Variants in EFCAB11 observed in about 807,000 individuals in gnomAD.
EFCAB11 encodes EF-hand calcium-binding domain-containing protein 11.
EFCAB11 carries 14 observed loss-of-function variants against 23.0 expected under a neutral mutation model. The observed-to-expected ratio is 0.61, with a 90% confidence interval of 0.40 to 0.95. EFCAB11 has a LOEUF of 0.95. Ranked by LOEUF, EFCAB11 falls within the 40% of genes least tolerant of loss-of-function variation. The pLI, the probability that EFCAB11 is intolerant of heterozygous loss-of-function variation, is 0.00. For synonymous variants in EFCAB11, 65 were observed against 66.6 expected (o/e 0.98, Z 0.11); for missense variants, 198 against 195.8 (o/e 1.01, Z -0.07).
chr14:89,850,152 T>C (rs1887559925), intron 5 of EFCAB11, among the ~76,000 whole-genome samples: 1 of 152,338 alleles, frequency 6.6e-6, no homozygotes, highest in East Asian at 1.9e-4. Flanking sequence ...TTCACATTCC[T>C]GAATGTGTCA....
rs1294483738 is a variant in EFCAB11 at position 89,858,772 on chromosome 14, G to A, written c.411-61448C>T. On this transcript the variant is annotated intron_variant, in intron 5 of 5. Coordinates refer to ENST00000316738, the MANE Select transcript of EFCAB11 (RefSeq NM_145231.4). ...GCTTTGGCCTCCCACTTGAGCCACT[G>A]TGCCTGGCCAATGATGAGGTTTTTG... Among the ~76,000 whole-genome samples the A allele has an allele frequency of 2.7e-5, 4 of 146,460 alleles. No homozygotes were observed. The Admixed American group carries it at 2.9e-4, about 11-fold the overall frequency.
At chr14:89,803,005 C>A (rs1025521841) in intron 5 of EFCAB11, among the ~76,000 whole-genome samples, 1 of 152,120 alleles carries the variant, frequency 6.6e-6, no homozygotes, top group African/African-American at 2.4e-5. Context: ...CTGTCCTGGG[C>A]ATTGCAGGAC....
rs184362306 is a variant in EFCAB11, at chr14:89,946,443, C to T, written c.217+3654G>A. 1.8e-4 allele frequency among the ~76,000 whole-genome samples: 28 copies of T among 152,266 alleles called. No individual in the cohort carries two copies. The East Asian group carries it at 5.4e-3, about 29-fold the overall frequency. On this transcript the variant is annotated intron_variant, in intron 3 of 5. Coordinates refer to ENST00000316738, the MANE Select transcript of EFCAB11 (RefSeq NM_145231.4). ...TTTTATCTAATTTAACAGTATCTCC[C>T]TTTCAATGGGGCTGTTGAGATCATT...
At chr14:89,949,247 C>T (rs182519342) in intron 3 of EFCAB11, among the ~76,000 whole-genome samples, 3 of 152,098 alleles carry the variant, frequency 2.0e-5, no homozygotes, top group East Asian at 3.9e-4. Flanking sequence ...TACCACCTCT[C>T]TATATATACA....
intron 5 of EFCAB11, among the ~76,000 whole-genome samples, chr14:89,821,488 G>A (rs1410317383): frequency 6.6e-6 from 1 of 152,080 alleles, no homozygotes; most frequent in Non-Finnish European, 1.5e-5. Context: ...ATAAAACTCA[G>A]GCAAATCTAG....
At chr14:89,819,601 A>T (rs1250876671) in intron 5 of EFCAB11, among the ~76,000 whole-genome samples, 2 of 150,838 alleles carry the variant, frequency 1.3e-5, no homozygotes, top group South Asian at 2.1e-4. Flanking sequence ...AGCTAATTAT[A>T]AAAAAAACCC....
chr14:89,897,607 A>G (rs1430340555), intron 5 of EFCAB11, among the ~76,000 whole-genome samples: 1 of 152,240 alleles, frequency 6.6e-6, no homozygotes, highest in Admixed American at 6.5e-5. Flanking sequence ...GTGTGCGGGT[A>G]TATGTGAGTT....
chr14:89,920,890 C>A (rs7144963), intron 5 of EFCAB11, among the ~76,000 whole-genome samples: 19,539 of 151,900 alleles, frequency 0.13, 1,454 homozygotes, highest in South Asian at 0.24. Flanking sequence ...CATGGTGAAA[C>A]CCCATCTCTA....
chr14:89,931,569 G>T lies in EFCAB11; in HGVS notation c.382C>A (p.Pro128Thr), dbSNP rs774573642. 13 of 1,614,116 alleles carry T rather than the reference G, an allele frequency of 8.1e-6. No homozygotes were observed. Among genetic ancestry groups the T allele is most frequent in the Non-Finnish European group, 1.0e-5 (12 of 1,180,006 alleles). ...KAFRQVAPKL[P>T]ERTVLEVFRE... is the part of the protein sequence containing the mutation. ...AATACCTCAAGAACAGTCCTTTCCG[G>T]TAATTTGGGAGCCACCTGCCTAAAT... is the stretch of plus-strand genomic sequence containing the variant. Residue 128 changes from proline (P) to threonine (T), a missense_variant, in exon 5 of 6, where the codon CCG becomes ACG. By Grantham distance (38) the Pro-to-Thr change is conservative. Transcript: ENST00000316738.
intron 5 of EFCAB11, among the ~76,000 whole-genome samples, chr14:89,845,156 CT>C (rs1279586672): frequency 6.6e-6 from 1 of 152,022 alleles, no homozygotes; most frequent in African/African-American, 2.4e-5. Context: ...AAAGAAATAC[CT>C]AACATATTAC....
At position 89,902,061 on chromosome 14, in the gene EFCAB11, T is replaced by A. The variant is rs149032884; in HGVS notation, c.410+29480A>T. ...GGTAGCACCCATGACTAACACAGCA[T>A]CTTGCCCTGCCTACCTCTCAAATTT... On this transcript the variant is annotated intron_variant, in intron 5 of 5. Coordinates refer to ENST00000316738, the MANE Select transcript of EFCAB11 (RefSeq NM_145231.4). 1.1e-3 allele frequency among the ~76,000 whole-genome samples: 161 copies of A among 152,264 alleles called. No homozygotes were observed. In the Middle Eastern group the frequency reaches 0.014, roughly 13 times the overall value.
intron 5 of EFCAB11, among the ~76,000 whole-genome samples, chr14:89,925,613 C>T (rs1295519549): frequency 6.6e-6 from 1 of 151,682 alleles, no homozygotes; most frequent in Non-Finnish European, 1.5e-5. Flanking sequence ...ATTGTGACTA[C>T]CAGCTCTAAG....
chr14:89,934,471 C>A (rs762853782), intron 3 of EFCAB11, among the ~76,000 whole-genome samples: 3 of 152,070 alleles, frequency 2.0e-5, no homozygotes, highest in Non-Finnish European at 4.4e-5. Flanking sequence ...AAAATTGGGG[C>A]GAGATGAAGA....
chr14:89,849,003 A>AT (rs1413508412), intron 5 of EFCAB11: 2 of 152,282 alleles, frequency 1.3e-5, no homozygotes, highest in Non-Finnish European at 2.9e-5. Flanking sequence ...TAAGCTGCAG[A>AT]TTTTTTCTCT....
At chr14:89,819,774 T>G (rs547440081) in intron 5 of EFCAB11, among the ~76,000 whole-genome samples, 73 of 152,138 alleles carry the variant, frequency 4.8e-4, no homozygotes, top group Non-Finnish European at 1.0e-3. Flanking sequence ...ATCTTCAATA[T>G]TTGACTGTAG....
At chr14:89,944,754 G>A (rs1890905425) in intron 3 of EFCAB11, among the ~76,000 whole-genome samples, 1 of 151,792 alleles carries the variant, frequency 6.6e-6, no homozygotes, top group Admixed American at 6.6e-5. Context: ...TCAAGTTAGC[G>A]ATTATATCAA....
chr14:89,949,603 C>T (rs555994443), intron 3 of EFCAB11, among the ~76,000 whole-genome samples: 9 of 152,212 alleles, frequency 5.9e-5, no homozygotes, highest in East Asian at 1.9e-4. Context: ...TGACCTCAGA[C>T]GATCCACCTG....
chr14:89,839,763 A>C (rs952538477), intron 5 of EFCAB11, among the ~76,000 whole-genome samples: 2 of 149,770 alleles, frequency 1.3e-5, no homozygotes, highest in African/African-American at 4.9e-5. Flanking sequence ...GCAAAGGGGG[A>C]GCCAGAACTT....
intron 5 of EFCAB11, among the ~76,000 whole-genome samples, chr14:89,810,313 C>T (rs899639195): frequency 2.6e-5 from 4 of 152,142 alleles, no homozygotes; most frequent in South Asian, 2.1e-4. Flanking sequence ...CTTTTCCTTC[C>T]GTCAGCATAA....
Sources: gnomAD v4.1 joint callset for allele counts (sites outside exome capture counted in the v4.1 genomes callset) on GRCh38, gnomAD v4.1.1 for gene constraint, MANE v1.5 for transcripts, NCBI Gene and HGNC (gene_info 2026-07-23, HGNC 2026-07-21) for gene names.